The following ASAH2 variants were observed in gnomAD, a reference collection of about 807,000 sequenced individuals.
The protein encoded by ASAH2 is neutral ceramidase.
In ASAH2, 58 loss-of-function variants were observed where a neutral mutation model predicts 82.9. The ratio of observed to expected loss-of-function variants is 0.70; its 90% CI spans 0.57 to 0.87. ASAH2 has a LOEUF of 0.87. Ranked by LOEUF, ASAH2 falls within the 40% of genes least tolerant of loss-of-function variation. The probability of loss-of-function intolerance (pLI) is 0.00; values close to 1 mark genes in which losing one functional copy is unlikely to be tolerated. For synonymous variants in ASAH2, 276 were observed against 289.7 expected (o/e 0.95, Z 0.48); for missense variants, 779 against 834.0 (o/e 0.93, Z 0.81).
chr10:50,233,128 T>C, intron 7 of ASAH2, 56 bp downstream of exon 7: 10 of 1,269,134 alleles, frequency 7.9e-6, no homozygotes, highest in Non-Finnish European at 1.2e-5. Context: ...TTTTCCCTTC[T>C]CTTTAATTAA....
intron 4 of ASAH2, among the ~76,000 whole-genome samples, chr10:50,236,453 C>T (rs1846161493): frequency 1.3e-5 from 2 of 152,070 alleles, no homozygotes; most frequent in African/African-American, 4.8e-5. Context: ...ATTCAATTAC[C>T]TCCCATGGGG....
At chr10:50,246,188 T>C (rs1047444762) in intron 2 of ASAH2, among the ~76,000 whole-genome samples, 8 of 152,144 alleles carry the variant, frequency 5.3e-5, no homozygotes, top group Middle Eastern at 3.2e-3. Flanking sequence ...AGAAGACAGA[T>C]GCAGAAACAA....
At chr10:50,196,241 C>T (rs1844979035) in intron 18 of ASAH2, among the ~76,000 whole-genome samples, 2 of 151,414 alleles carry the variant, frequency 1.3e-5, no homozygotes, top group Non-Finnish European at 2.9e-5. Context: ...CTAGCCAGTC[C>T]GATAAGGATA....
At chr10:50,229,230 CAG>C (rs895727480) in intron 7 of ASAH2, among the ~76,000 whole-genome samples, 1 of 152,070 alleles carries the variant, frequency 6.6e-6, no homozygotes, top group African/African-American at 2.4e-5. Context: ...AAGTACCTTA[CAG>C]AGTCTCCCAA....
chr10:50,230,130 G>A (rs902462834), intron 7 of ASAH2, among the ~76,000 whole-genome samples: 3 of 152,240 alleles, frequency 2.0e-5, no homozygotes, highest in African/African-American at 7.2e-5. Flanking sequence ...TTATTTCAAG[G>A]CCAGGGAATA....
intron 18 of ASAH2, among the ~76,000 whole-genome samples, chr10:50,196,287 G>A (rs1332061435): frequency 6.6e-6 from 1 of 151,802 alleles, no homozygotes; most frequent in Non-Finnish European, 1.5e-5. Context: ...AATATAGAAA[G>A]GAATAAATAA....
chr10:50,184,903 G>T lies in ASAH2; in HGVS notation c.*2412C>A, dbSNP rs1589312872. ...TTAATTTATTATTAAATAATCCATTGAATATTGACAATTTTACACAGTACT... is the reference window on the plus strand; with the variant it reads ...TTAATTTATTATTAAATAATCCATTTAATATTGACAATTTTACACAGTACT... On this transcript the variant is annotated 3_prime_UTR_variant, in exon 21 of 21. Transcript: ENST00000682911. 1 of 151,096 alleles carries T rather than the reference G, an allele frequency of 6.6e-6. No individual in the cohort carries two copies. The highest frequency in any genetic ancestry group is 2.1e-4 in the South Asian group (1 of 4,822). 9.4% of individuals were successfully genotyped at this position (151,096 alleles called of 1,614,324 possible).
At chr10:50,206,537 TACACAC>T (rs544968746) in intron 12 of ASAH2, among the ~76,000 whole-genome samples, 36 of 130,824 alleles carry the variant, frequency 2.8e-4, no homozygotes, top group South Asian at 7.9e-4. Flanking sequence ...TTTAGTTATC[TACACAC>T]ACACACACAC....
At chr10:50,229,313 A>G (rs1185987561) in intron 7 of ASAH2, among the ~76,000 whole-genome samples, 3 of 152,128 alleles carry the variant, frequency 2.0e-5, no homozygotes, top group African/African-American at 7.2e-5. Context: ...CATGTTCTCC[A>G]TGTCTGGAGA....
At chr10:50,204,093 T>C (rs1845229994) in intron 14 of ASAH2, among the ~76,000 whole-genome samples, 2 of 151,990 alleles carry the variant, frequency 1.3e-5, no homozygotes, top group South Asian at 4.1e-4. Flanking sequence ...AAATCAGATA[T>C]GAGAGCTTGA....
At chr10:50,205,274 A>C (rs1375299552) in intron 13 of ASAH2, among the ~76,000 whole-genome samples, 1 of 151,994 alleles carries the variant, frequency 6.6e-6, no homozygotes, top group Non-Finnish European at 1.5e-5. Context: ...GGAATAGTTT[A>C]ACTTAATAAT....
At chr10:50,234,367 T>C in intron 6 of ASAH2, 58 bp downstream of exon 6, 2 of 1,611,212 alleles carry the variant, frequency 1.2e-6, no homozygotes, top group Non-Finnish European at 1.7e-6. Context: ...TGTACTTAGA[T>C]TTTGTTGCTG....
intron 2 of ASAH2, among the ~76,000 whole-genome samples, chr10:50,247,354 AG>A (rs945141723): frequency 8.6e-5 from 13 of 151,480 alleles, no homozygotes; most frequent in Middle Eastern, 3.4e-3. Context: ...TAGCAGAGAC[AG>A]GGTTTTGCCA....
intron 7 of ASAH2, among the ~76,000 whole-genome samples, chr10:50,231,954 G>A (rs1412131398): frequency 1.3e-5 from 2 of 151,964 alleles, no homozygotes; most frequent in Admixed American, 6.6e-5. Context: ...AACCCTATGG[G>A]GTATTACTAT....
At chr10:50,212,182 A>AACAC (rs3837301) in intron 10 of ASAH2, among the ~76,000 whole-genome samples, 8,779 of 146,944 alleles carry the variant, frequency 0.06, 405 homozygotes, top group African/African-American at 0.13. Flanking sequence ...AAACTATTTA[A>AACAC]ACACACACAC....
In ASAH2 at chr10:50,234,559, GTTAAAAAA is replaced by G. The variant is rs2133225273; in HGVS notation, c.688-15_688-8del. The G allele has an allele frequency of 6.2e-7, 1 of 1,612,650 alleles. No individual in the cohort carries two copies. The highest frequency in any genetic ancestry group is 2.2e-5 in the East Asian group (1 of 44,854). On this transcript the variant is annotated splice_region_variant and splice_polypyrimidine_tract_variant and intron_variant, in intron 5 of 20. Transcript: ENST00000682911. ...TGTGTGCTATGTCAATGCTCTGAAG[GTTAAAAAA>G]GAGGGGGATGTTATAAGCTTAGAAA...
rs1846530965 is a variant in ASAH2 at position 50,248,529 on chromosome 10, G to C, written c.82C>G (p.Leu28Val). The C allele has an allele frequency of 6.2e-7, 1 of 1,613,712 alleles. No individual in the cohort carries two copies. Among genetic ancestry groups the C allele is most frequent in the Non-Finnish European group, 8.5e-7 (1 of 1,179,770 alleles). ...CCACTGGTGATAAACAAGAGGCTGAGAAGGGCCACTGTGATGGCACTCATC... is the reference window on the plus strand; with the variant it reads ...CCACTGGTGATAAACAAGAGGCTGACAAGGGCCACTGTGATGGCACTCATC... ...VMMSAITVAL[L>V]SLLFITSGTI... The change falls in exon 2 of 21, where the codon CTC (leucine) becomes GTC (valine). Residue 28 changes from leucine to valine, a missense_variant. By Grantham distance (32) the Leu-to-Val change is conservative. Transcript: ENST00000682911.
At chr10:50,229,296 T>C (rs1165249106) in intron 7 of ASAH2, among the ~76,000 whole-genome samples, 1 of 151,812 alleles carries the variant, frequency 6.6e-6, no homozygotes, top group Non-Finnish European at 1.5e-5. Context: ...ATTCAGAACA[T>C]CCACAACATG....
intron 7 of ASAH2, among the ~76,000 whole-genome samples, chr10:50,229,603 A>G (rs1283114834): frequency 6.6e-6 from 1 of 152,142 alleles, no homozygotes; most frequent in African/African-American, 2.4e-5. Context: ...GTATAGAAAA[A>G]CAAATTCTTT....
Sources: gnomAD v4.1 joint callset for allele counts (sites outside exome capture counted in the v4.1 genomes callset) on GRCh38, gnomAD v4.1.1 for gene constraint, MANE v1.5 for transcripts, NCBI Gene and HGNC (gene_info 2026-07-23, HGNC 2026-07-21) for gene names.